NF1: variants seen among roughly 807,000 people sequenced by gnomAD.
NF1 encodes the protein neurofibromin.
In NF1, 122 loss-of-function variants were observed where a neutral mutation model predicts 325.7. The observed-to-expected ratio is 0.37, with a 90% CI of 0.32 to 0.44. NF1 has a LOEUF of 0.44. NF1 is among the 20% of genes least tolerant of loss of function. The pLI is 1.00. For synonymous variants in NF1, 1,091 were observed against 1,186.0 expected (o/e 0.92, Z 1.65); for missense variants, 2,140 against 3,415.4 (o/e 0.63, Z 9.31).
chr17:31,130,983 C>T (rs766648522), intron 1 of NF1, among the ~76,000 whole-genome samples: 1 of 152,130 alleles, frequency 6.6e-6, no homozygotes, highest in Non-Finnish European at 1.5e-5. Flanking sequence ...TGTGGCCCCC[C>T]CCGGCAGTAC....
intron 13 of NF1, among the ~76,000 whole-genome samples, chr17:31,218,686 C>T (rs1367001890): frequency 2.6e-5 from 4 of 152,182 alleles, no homozygotes; most frequent in Admixed American, 2.0e-4. Context: ...ATTCTCCTGC[C>T]TCAGCCTCCC....
intron 36 of NF1, among the ~76,000 whole-genome samples, chr17:31,315,749 G>A (rs945454514): frequency 7.9e-5 from 12 of 152,194 alleles, no homozygotes; most frequent in African/African-American, 2.9e-4. Flanking sequence ...GGTACGGAAT[G>A]TGTTAACCCA....
At chr17:31,101,497 C>A (rs1912337055) in intron 1 of NF1, among the ~76,000 whole-genome samples, 1 of 152,192 alleles carries the variant, frequency 6.6e-6, no homozygotes, top group Non-Finnish European at 1.5e-5. Flanking sequence ...ACCCAGCAGT[C>A]TATTGGGAGC....
At chr17:31,275,342 A>G (rs1489489146) in intron 36 of NF1, among the ~76,000 whole-genome samples, 1 of 152,222 alleles carries the variant, frequency 6.6e-6, no homozygotes, top group Non-Finnish European at 1.5e-5. Context: ...ACAGTGCTGC[A>G]TTAGTCAACC....
At chr17:31,240,440 G>A (rs1044271120) in intron 29 of NF1, among the ~76,000 whole-genome samples, 14 of 152,222 alleles carry the variant, frequency 9.2e-5, no homozygotes, top group Admixed American at 2.0e-4. Flanking sequence ...ATAGTACTCC[G>A]TTGTGTATAT....
intron 31 of NF1, 88 bp from the exon 32 acceptor site, chr17:31,258,256 T>TA (rs1829951739): frequency 1.4e-5 from 19 of 1,407,364 alleles, no homozygotes; most frequent in South Asian, 3.5e-5. Flanking sequence ...TCAGAGTTTT[T>TA]ATGCAAAGTT....
At chr17:31,110,965 G>T (rs1458863437) in intron 1 of NF1, among the ~76,000 whole-genome samples, 3 of 152,050 alleles carry the variant, frequency 2.0e-5, no homozygotes, top group South Asian at 2.1e-4. Context: ...CGAGAGCAGG[G>T]CCTATGTCTG....
At chr17:31,132,158 C>T (rs1320037511) in intron 1 of NF1, among the ~76,000 whole-genome samples, 1 of 151,948 alleles carries the variant, frequency 6.6e-6, no homozygotes, top group East Asian at 1.9e-4. Context: ...GTCTTGAACT[C>T]ATGGGCTCAA....
chr17:31,286,256 G>A (rs534458184), intron 36 of NF1, among the ~76,000 whole-genome samples: 14 of 152,078 alleles, frequency 9.2e-5, no homozygotes, highest in African/African-American at 2.9e-4. Flanking sequence ...CAACACACCC[G>A]GCTAATTTTT....
chr17:31,307,029 AT>A (rs886478261), intron 36 of NF1, among the ~76,000 whole-genome samples: 1,677 of 147,484 alleles, frequency 0.011, 28 homozygotes, highest in African/African-American at 0.037. Context: ...AATTACAATA[AT>A]TTTTTTTTTT....
At chr17:31,158,051 A>C (rs1246959997) in intron 2 of NF1, among the ~76,000 whole-genome samples, 1 of 151,834 alleles carries the variant, frequency 6.6e-6, no homozygotes, top group Non-Finnish European at 1.5e-5. Context: ...ATAAAGCTAT[A>C]TTTCTGTATC....
chr17:31,189,014 A>G (rs1322664151), intron 8 of NF1, among the ~76,000 whole-genome samples: 2 of 152,156 alleles, frequency 1.3e-5, no homozygotes, highest in African/African-American at 4.8e-5. Context: ...AACCCTGACT[A>G]ATACAGTAGG....
chr17:31,274,798 A>G (rs973756014), intron 36 of NF1, among the ~76,000 whole-genome samples: 25 of 151,966 alleles, frequency 1.6e-4, no homozygotes, highest in Admixed American at 2.0e-4. Context: ...GACTTATTCT[A>G]TTTTTCTAAT....
chr17:31,264,127 G>A (rs763628530), intron 35 of NF1, among the ~76,000 whole-genome samples: 10 of 152,122 alleles, frequency 6.6e-5, no homozygotes, highest in South Asian at 2.1e-4. Context: ...GGCCGAGTGC[G>A]GTGACTCACG....
chr17:31,232,744 T>C lies in NF1; in HGVS notation c.3359T>C (p.Val1120Ala), dbSNP rs751571517. ...FMNLLNDCSE[V>A]EDESAQTGGR... ...AACCTTTTGAATGACTGCAGTGAAG[T>C]TGAAGATGAAAGTGCGCAAACAGGT... The change falls in exon 26 of 58, where the codon GTT (valine) becomes GCT (alanine). Residue 1120 changes from valine (V) to alanine (A), a missense_variant. Physicochemically the swap from Val to Ala is moderately conservative, Grantham distance 64. Around this residue, in one of 10 missense-constraint regions of NF1, gnomAD observed 380 missense variants for 639.3 expected, o/e 0.59. Transcript: ENST00000358273. The C allele has an allele frequency of 6.2e-6, 10 of 1,613,806 alleles. No individual in the cohort carries two copies. Among genetic ancestry groups the C allele is most frequent in the Non-Finnish European group, 8.5e-6 (10 of 1,179,970 alleles).
At chr17:31,170,108 A>G in intron 5 of NF1, 111 bp downstream of exon 5, 1 of 712,590 alleles carries the variant, frequency 1.4e-6, no homozygotes, top group Non-Finnish European at 2.5e-6. Context: ...ACTGGATTTT[A>G]TAATGACATT....
Position 31,118,985 on chromosome 17 carries a change from AGT to A in NF1, c.60+23620_60+23621del, listed in dbSNP as rs571161900. ...GAGTCTCACTGTGTTGCCAGGCTGG[AGT>A]GTGGAGTGTGGTGGCATGATCTTGG... is the stretch of plus-strand genomic sequence containing the variant. On this transcript the variant is annotated intron_variant, in intron 1 of 57. Transcript: ENST00000358273. Among the ~76,000 whole-genome samples the A allele has an allele frequency of 5.8e-4, 86 of 149,028 alleles. 1 individual carries two copies. Among genetic ancestry groups the A allele is most frequent in the African/African-American group, 2.1e-3 (85 of 40,544 alleles).
chr17:31,243,066 A>C (rs1359796038), intron 29 of NF1, among the ~76,000 whole-genome samples: 1 of 152,122 alleles, frequency 6.6e-6, no homozygotes, highest in African/African-American at 2.4e-5. Flanking sequence ...TAGCGGTACC[A>C]CCTTGGTGGT....
chr17:31,108,198 A>C (rs1341836978), intron 1 of NF1, among the ~76,000 whole-genome samples: 1 of 151,136 alleles, frequency 6.6e-6, no homozygotes, highest in African/African-American at 2.4e-5. Flanking sequence ...CCAGTACAGT[A>C]TACCTATCAA....
Sources: gnomAD v4.1 joint callset for allele counts (sites outside exome capture counted in the v4.1 genomes callset) on GRCh38, gnomAD v4.1.1 for gene constraint, gnomAD v4.1.1 regional missense constraint, MANE v1.5 for transcripts, NCBI Gene and HGNC (gene_info 2026-07-23, HGNC 2026-07-21) for gene names.